Variants in XCL1 observed in about 807,000 individuals in gnomAD.
XCL1 encodes the protein lymphotactin.
In XCL1, 6 loss-of-function variants were observed where a neutral mutation model predicts 7.4. The ratio of observed to expected loss-of-function variants is 0.82; its 90% CI spans 0.45 to 1.61. The LOEUF is 1.61. XCL1 is among the 40% of genes most tolerant of loss of function. XCL1 has a pLI of 0.01. For synonymous variants in XCL1, 48 were observed against 52.4 expected (o/e 0.92, Z 0.36); for missense variants, 122 against 138.2 (o/e 0.88, Z 0.59).
chr1:168,581,068 G>A lies in XCL1; in HGVS notation c.193G>A (p.Gly65Ser). The A allele has an allele frequency of 1.2e-6, 2 of 1,613,646 alleles. No homozygotes were observed. ...LRAVIFITKRGLKVCADPQAT... is the reference protein window; with the variant it reads ...LRAVIFITKRSLKVCADPQAT... ...GCGTTACAGTTTTATTACCAAACGT[G>A]GCCTAAAAGTCTGTGCTGATCCACA... The change falls in exon 3 of 3, where the codon GGC (glycine) becomes AGC (serine). Residue 65 changes from glycine (G) to serine (S), a missense_variant. Physicochemically the swap from Gly to Ser is moderately conservative, Grantham distance 56. Transcript: ENST00000367818.
intron 2 of XCL1, among the ~76,000 whole-genome samples, chr1:168,580,532 C>T (rs375338714): frequency 9.0e-4 from 137 of 152,158 alleles, no homozygotes; most frequent in African/African-American, 2.6e-3. Context: ...AGGGTTGAGT[C>T]AGGCAGAGTC....
At chr1:168,578,359 A>G (rs1272540212) in intron 1 of XCL1, among the ~76,000 whole-genome samples, 1 of 152,190 alleles carries the variant, frequency 6.6e-6, no homozygotes, top group African/African-American at 2.4e-5. Flanking sequence ...TTAGCTGCCT[A>G]TTTCCCTGGG....
intron 1 of XCL1, 44 bp from the exon 2 acceptor site, chr1:168,580,019 A>C: frequency 1.3e-6 from 2 of 1,579,260 alleles, no homozygotes; most frequent in Non-Finnish European, 1.7e-6. Flanking sequence ...GATCTGGATA[A>C]TTGCTTTATT....
Position 168,581,223 on chromosome 1 carries a change from G to C in XCL1, c.*3G>C. 1 of 1,613,294 alleles carries C rather than the reference G, an allele frequency of 6.2e-7. No individual in the cohort carries two copies. The highest frequency in any genetic ancestry group is 8.5e-7 in the Non-Finnish European group (1 of 1,179,506). ...CAGCTGTGACTCTGACTGGCTAGTA[G>C]TCTCTGGCACCCTGTCCGTCTCCAG... On this transcript the variant is annotated 3_prime_UTR_variant, in exon 3 of 3. Transcript: ENST00000367818.
chr1:168,580,236 T>C, intron 2 of XCL1, 59 bp downstream of exon 2: 2 of 1,552,752 alleles, frequency 1.3e-6, no homozygotes, highest in East Asian at 2.3e-5. Flanking sequence ...AGAAATACAC[T>C]CTGTAGAAAT....
chr1:168,582,019 T>C lies in XCL1; in HGVS notation c.*799T>C, dbSNP rs1258233977. 1 of 152,228 alleles carries C rather than the reference T, an allele frequency of 6.6e-6. No homozygotes were observed. The highest frequency in any genetic ancestry group is 1.5e-5 in the Non-Finnish European group (1 of 68,048). The allele number at this position is 152,228 out of a possible 1,614,324, so 9.4% of individuals were successfully genotyped here. A position where few individuals can be genotyped will look rare whatever the true frequency, so the allele number is the denominator to read the frequency against. On this transcript the variant is annotated 3_prime_UTR_variant, in exon 3 of 3. Coordinates refer to ENST00000367818, the MANE Select transcript of XCL1 (RefSeq NM_002995.3). ...CTGACCCATGCAATATTTCCTCATG[T>C]GATCACAATTTGCAGTAAACTTTTA...
chr1:168,581,017 T>C, intron 2 of XCL1, 35 bp from the exon 3 acceptor site: 1 of 1,607,862 alleles, frequency 6.2e-7, no homozygotes, highest in African/African-American at 1.3e-5. Flanking sequence ...TTTGAGAATG[T>C]GGCTAACTTC....
chr1:168,580,058 A>G lies in XCL1; in HGVS notation c.62-5A>G, dbSNP rs1235849709. ...AATTGTCTGTTGTTTTTTTTTCCTC[A>G]CCAGGTGTAGGGAGTGAAGTCTCAG... is the stretch of plus-strand genomic sequence containing the variant. On this transcript the variant is annotated splice_polypyrimidine_tract_variant and splice_region_variant and intron_variant, in intron 1 of 2. Coordinates refer to ENST00000367818, the MANE Select transcript of XCL1 (RefSeq NM_002995.3). 1.9e-6 allele frequency: 3 copies of G among 1,604,720 alleles called. No individual in the cohort carries two copies. Among genetic ancestry groups the G allele is most frequent in the Non-Finnish European group, 2.6e-6 (3 of 1,175,758 alleles).
chr1:168,580,235 C>G (rs1655129641), intron 2 of XCL1, 58 bp downstream of exon 2: 2 of 1,574,998 alleles, frequency 1.3e-6, no homozygotes, highest in Middle Eastern at 1.7e-4. Flanking sequence ...TAGAAATACA[C>G]TCTGTAGAAA....
chr1:168,578,083 A>T (rs1357908387), intron 1 of XCL1, among the ~76,000 whole-genome samples: 1 of 152,190 alleles, frequency 6.6e-6, no homozygotes, highest in Non-Finnish European at 1.5e-5. Context: ...CACAGAGAGA[A>T]ATATTGTTTC....
At chr1:168,579,158 G>A in intron 1 of XCL1, 1 of 400,454 alleles carries the variant, frequency 2.5e-6, no homozygotes, top group African/African-American at 2.1e-5. Context: ...TGGCTGAGTA[G>A]CTGTTTGGGG....
chr1:168,580,279 G>A, intron 2 of XCL1, 102 bp downstream of exon 2: 1 of 1,298,582 alleles, frequency 7.7e-7, no homozygotes, highest in Non-Finnish European at 1.1e-6. Context: ...GGTCAGCATA[G>A]AGGAACACCT....
Position 168,581,115 on chromosome 1 carries a change from G to A in XCL1, c.240G>A (p.Val80=). The A allele has an allele frequency of 6.2e-7, 1 of 1,613,782 alleles. No homozygotes were observed. The highest frequency in any genetic ancestry group is 8.5e-7 in the Non-Finnish European group (1 of 1,179,766). ...CACAAGCCACATGGGTGAGAGACGT[G>A]GTCAGGAGCATGGACAGGAAATCCA... ...ADPQATWVRD[V]VRSMDRKSNT... Residue 80 remains valine, a synonymous_variant, in exon 3 of 3, where the codon GTG becomes GTA. Coordinates refer to ENST00000367818, the MANE Select transcript of XCL1 (RefSeq NM_002995.3).
Position 168,581,409 on chromosome 1 carries a change from A to T in XCL1, c.*189A>T, listed in dbSNP as rs905136785. On this transcript the variant is annotated 3_prime_UTR_variant, in exon 3 of 3. Coordinates refer to ENST00000367818, the MANE Select transcript of XCL1 (RefSeq NM_002995.3). ...TAATAAATTATTTATTATTAAGAAT[A>T]GTTCCCTAGTCTATTCATTATATTT... is the stretch of plus-strand genomic sequence containing the variant. The T allele has an allele frequency of 1.1e-5, 7 of 632,866 alleles. No individual in the cohort carries two copies. The African/African-American group carries it at 1.3e-4, about 12-fold the overall frequency. 39.2% of individuals were successfully genotyped at this position (632,866 alleles called of 1,614,324 possible).
intron 1 of XCL1, among the ~76,000 whole-genome samples, chr1:168,577,778 A>C (rs192144320): frequency 6.6e-6 from 1 of 152,186 alleles, no homozygotes; most frequent in Non-Finnish European, 1.5e-5. Flanking sequence ...AGGGAGACTC[A>C]GATCTGAGTA....
chr1:168,580,199 T>C (rs766160103), intron 2 of XCL1, 22 bp downstream of exon 2: 3 of 1,611,502 alleles, frequency 1.9e-6, no homozygotes, highest in East Asian at 2.2e-5. Context: ...TCCTCAGAAG[T>C]TGTGCTGGGT....
At chr1:168,576,783 T>G (rs1655034266) in intron 1 of XCL1, 85 bp downstream of exon 1, 2 of 1,581,246 alleles carry the variant, frequency 1.3e-6, no homozygotes, top group Non-Finnish European at 1.7e-6. Flanking sequence ...AGGTTATGAC[T>G]GGACTAACCT....
intron 2 of XCL1, among the ~76,000 whole-genome samples, chr1:168,580,649 A>AAT (rs1309857817): frequency 3.3e-5 from 5 of 152,206 alleles, no homozygotes; most frequent in Admixed American, 6.5e-5. Context: ...AACTCTTCTC[A>AAT]ACATGTAATT....
At chr1:168,580,550 T>A (rs973147269) in intron 2 of XCL1, among the ~76,000 whole-genome samples, 1 of 151,782 alleles carries the variant, frequency 6.6e-6, no homozygotes, top group Admixed American at 6.6e-5. Context: ...GTCCCATACT[T>A]TTATCAGTTG....
Sources: allele counts gnomAD v4.1 joint callset (sites outside exome capture counted in the v4.1 genomes callset), GRCh38; gene constraint gnomAD v4.1.1; transcripts MANE v1.5; gene names NCBI Gene and HGNC (gene_info 2026-07-23, HGNC 2026-07-21).